The following TTYH2 variants were observed in gnomAD, a reference collection of about 807,000 sequenced individuals.
TTYH2 encodes the protein tweety family member 2.
A neutral mutation model predicts 68.3 loss-of-function variants in TTYH2; 49 were observed. That is an observed-to-expected ratio of 0.72 (90% CI 0.57 to 0.91). The LOEUF (loss-of-function observed/expected upper bound fraction) is 0.91. Among genes scored for constraint, TTYH2 ranks in the 40% least tolerant of loss-of-function variants. The pLI, the probability that TTYH2 is intolerant of heterozygous loss-of-function variation, is 0.00. For missense variants in TTYH2, 631 were observed against 700.4 expected, an observed-to-expected ratio of 0.90 and a Z score of 1.12; for synonymous variants, 272 against 300.8, an observed-to-expected ratio of 0.90 and a Z score of 0.99.
chr17:74,220,479 A>G (rs2050264677), intron 1 of TTYH2, among the ~76,000 whole-genome samples: 1 of 152,202 alleles, frequency 6.6e-6, no homozygotes, highest in South Asian at 2.1e-4. Context: ...TGTCAGGGCC[A>G]CAGGTCACAG....
chr17:74,237,375 G>C lies in TTYH2; in HGVS notation c.496G>C (p.Asp166His). The change falls in exon 4 of 14, where the codon GAT becomes CAT. Residue 166 changes from aspartate to histidine, a missense_variant. Physicochemically the swap from Asp to His is moderately conservative, Grantham distance 81 (BLOSUM62 -1). Coordinates refer to ENST00000269346, the MANE Select transcript of TTYH2 (RefSeq NM_032646.6). ...RLSEIFAARG[D>H]YLQTLKFIQQ... ...CAGTGAGATCTTTGCTGCCCGGGGC[G>C]ATTACCTGCAGACCCTGAAGTTCAT... 6.2e-7 allele frequency: 1 copy of C among 1,614,142 alleles called. No individual in the cohort carries two copies. Among genetic ancestry groups the C allele is most frequent in the East Asian group, 2.2e-5 (1 of 44,878 alleles).
intron 6 of TTYH2, among the ~76,000 whole-genome samples, chr17:74,245,869 T>C (rs2050552611): frequency 6.6e-6 from 1 of 152,006 alleles, no homozygotes; most frequent in South Asian, 2.1e-4. Context: ...GGCCAGAGGA[T>C]TGACAAGGCC....
intron 8 of TTYH2, 134 bp downstream of exon 8, chr17:74,249,533 T>A: frequency 1.1e-6 from 1 of 947,106 alleles, no homozygotes; most frequent in South Asian, 1.5e-5. Context: ...TAGCTGCTTC[T>A]GTGAGGGGGG....
intron 13 of TTYH2, among the ~76,000 whole-genome samples, chr17:74,256,261 CT>C (rs778448778): frequency 2.0e-5 from 3 of 152,130 alleles, no homozygotes; most frequent in African/African-American, 4.8e-5. Flanking sequence ...GTTTTCCCCC[CT>C]GGGGACATTT....
chr17:74,213,868 C>G lies in TTYH2; in HGVS notation c.129+152C>G. ...CCCGTCTCCCCTCTCCCCTTTTCCCCCACCCTCCCAGGCCCGTGGCCCGCG... is the reference window on the plus strand; with the variant it reads ...CCCGTCTCCCCTCTCCCCTTTTCCCGCACCCTCCCAGGCCCGTGGCCCGCG... On this transcript the variant is annotated intron_variant, in intron 1 of 13. Transcript: ENST00000269346. The surrounding 1 kb of genome is among the most constrained non-coding windows in gnomAD (Gnocchi z 6.1). The G allele has an allele frequency of 9.3e-7, 1 of 1,072,352 alleles. No homozygotes were observed. The highest frequency in any genetic ancestry group is 1.6e-5 in the South Asian group (1 of 61,914). 66.4% of individuals were successfully genotyped at this position (1,072,352 alleles called of 1,614,324 possible).
At chr17:74,219,210 C>T (rs1401713149) in intron 1 of TTYH2, among the ~76,000 whole-genome samples, 4 of 142,190 alleles carry the variant, frequency 2.8e-5, no homozygotes, top group Admixed American at 7.0e-5. Flanking sequence ...AGCAAGACTC[C>T]GTCTCAAAAA....
intron 2 of TTYH2, among the ~76,000 whole-genome samples, chr17:74,228,317 G>A (rs541815982): frequency 3.3e-5 from 5 of 152,230 alleles, no homozygotes; most frequent in Admixed American, 1.3e-4. Context: ...AGGGGGTTCC[G>A]TCCTAGATCC....
chr17:74,238,938 T>C (rs2050471812), intron 4 of TTYH2, among the ~76,000 whole-genome samples: 2 of 151,926 alleles, frequency 1.3e-5, no homozygotes, highest in Admixed American at 6.6e-5. Flanking sequence ...CTCAAACTCC[T>C]GGCCTCAAGC....
At chr17:74,218,483 G>A (rs35032677) in intron 1 of TTYH2, among the ~76,000 whole-genome samples, 19,880 of 151,046 alleles carry the variant, frequency 0.13, 1,621 homozygotes, top group Non-Finnish European at 0.18. Context: ...GACTAGCCTG[G>A]CCAACATAGT....
rs1038051348 is a variant in TTYH2 at position 74,241,046 on chromosome 17, G to A, written c.636-2328G>A. 1 of 152,294 alleles carries A rather than the reference G, an allele frequency of 6.6e-6. No individual in the cohort carries two copies. Among genetic ancestry groups the A allele is most frequent in the Non-Finnish European group, 1.5e-5 (1 of 68,112 alleles). 9.4% of individuals were successfully genotyped at this position (152,294 alleles called of 1,614,324 possible). A position where few individuals can be genotyped will look rare whatever the true frequency, so the allele number is the denominator to read the frequency against. On this transcript the variant is annotated intron_variant, in intron 4 of 13. Coordinates refer to ENST00000269346, the MANE Select transcript of TTYH2 (RefSeq NM_032646.6). The surrounding 1 kb of genome is among the most constrained non-coding windows in gnomAD (Gnocchi z 4.1). ...CGAGAGGTGCCCTGTAGCTGGCTGT[G>A]TCCCTTGCAGGAAGCTTGATGTAGA...
intron 3 of TTYH2, 72 bp downstream of exon 3, chr17:74,231,071 C>G: frequency 5.1e-6 from 7 of 1,379,774 alleles, no homozygotes; most frequent in Non-Finnish European, 7.2e-6. Flanking sequence ...CAAGGGCCCC[C>G]GTCAGATCCC....
chr17:74,260,323 G>A lies in TTYH2; in HGVS notation c.*114G>A. On this transcript the variant is annotated 3_prime_UTR_variant, in exon 14 of 14. Coordinates refer to ENST00000269346, the MANE Select transcript of TTYH2 (RefSeq NM_032646.6). Reference sequence around the variant, plus strand: ...GCATCTGGAGCCCGAGAGGCCTCCTGCTGTGGCAGAGGAGCAGCTGGGATT... The same window carrying A: ...GCATCTGGAGCCCGAGAGGCCTCCTACTGTGGCAGAGGAGCAGCTGGGATT... 9.1e-7 allele frequency: 1 copy of A among 1,100,734 alleles called. No individual in the cohort carries two copies. The highest frequency in any genetic ancestry group is 1.4e-6 in the Non-Finnish European group (1 of 738,974). 68.2% of individuals were successfully genotyped at this position (1,100,734 alleles called of 1,614,324 possible). A position where few individuals can be genotyped will look rare whatever the true frequency, so the allele number is the denominator to read the frequency against.
At chr17:74,224,889 C>T (rs1317224845) in intron 2 of TTYH2, among the ~76,000 whole-genome samples, 3 of 151,856 alleles carry the variant, frequency 2.0e-5, no homozygotes, top group Admixed American at 2.0e-4. Flanking sequence ...ACCTCAGCTA[C>T]TTGGGAGGCT....
intron 2 of TTYH2, among the ~76,000 whole-genome samples, chr17:74,229,011 C>T (rs1215517124): frequency 6.6e-6 from 1 of 152,140 alleles, no homozygotes; most frequent in South Asian, 2.1e-4. Context: ...AAACTTCTTC[C>T]AGGCTGCCCT....
chr17:74,233,724 G>T (rs2050413164), intron 3 of TTYH2, among the ~76,000 whole-genome samples: 1 of 152,178 alleles, frequency 6.6e-6, no homozygotes, highest in Admixed American at 6.5e-5. Flanking sequence ...GTGCCTTGGT[G>T]GGTAGGGGCG....
intron 6 of TTYH2, among the ~76,000 whole-genome samples, chr17:74,247,358 TCA>T: frequency 6.6e-6 from 1 of 152,086 alleles, no homozygotes; most frequent in East Asian, 1.9e-4. Flanking sequence ...CACAAGGGCA[TCA>T]CACACATACA....
intron 13 of TTYH2, among the ~76,000 whole-genome samples, chr17:74,258,166 AAAG>A (rs562065175): frequency 1.5e-3 from 234 of 152,056 alleles, no homozygotes; most frequent in African/African-American, 5.1e-3. Context: ...AGAAAATAAA[AAAG>A]AAGAAGGAGG....
At chr17:74,250,162 C>T in intron 9 of TTYH2, 103 bp from the exon 10 acceptor site, 1 of 1,457,996 alleles carries the variant, frequency 6.9e-7, no homozygotes, top group Non-Finnish European at 9.4e-7. Context: ...ACTCGGCTCC[C>T]TCCCTTGGCT....
intron 2 of TTYH2, among the ~76,000 whole-genome samples, chr17:74,223,296 G>GC (rs902120754): frequency 1.5e-5 from 2 of 134,368 alleles, no homozygotes; most frequent in African/African-American, 7.3e-5. Flanking sequence ...GGGGGGCGGG[G>GC]GGTGGGCGGG....
Sources: gnomAD v4.1 joint callset for allele counts (sites outside exome capture counted in the v4.1 genomes callset) on GRCh38, gnomAD v4.1.1 for gene constraint, Gnocchi (gnomAD v3.1) non-coding constraint, MANE v1.5 for transcripts, NCBI Gene and HGNC (gene_info 2026-07-23, HGNC 2026-07-21) for gene names.